The following STAG1 variants were observed in gnomAD, a reference collection of about 807,000 sequenced individuals.
STAG1 encodes cohesin subunit SA-1.
STAG1 carries 26 observed loss-of-function variants against 170.9 expected under a neutral mutation model. The ratio of observed to expected loss-of-function variants is 0.15; its 90% CI spans 0.11 to 0.21. The LOEUF (loss-of-function observed/expected upper bound fraction) is 0.21. Among genes scored for constraint, STAG1 ranks in the 10% least tolerant of loss-of-function variants. The pLI, the probability that STAG1 is intolerant of heterozygous loss-of-function variation, is 1.00. For synonymous variants in STAG1, 514 were observed against 497.7 expected, an observed-to-expected ratio of 1.03 and a Z score of -0.44; for missense variants, 964 against 1,509.5, an observed-to-expected ratio of 0.64 and a Z score of 5.99.
Position 136,498,233 on chromosome 3 carries a change from T to TATATATATATATATATATAC in STAG1, c.902+1989_902+1990insGTATATATATATATATATAT. On this transcript the variant is annotated intron_variant, in intron 9 of 33. Coordinates refer to ENST00000383202, the MANE Select transcript of STAG1 (RefSeq NM_005862.3). ...AATTATATATATATATATATATATA[T>TATATATATATATATATATAC]ACACATACATATACATACACACACA... Among the ~76,000 whole-genome samples, 466 of 57,308 alleles carry TATATATATATATATATATAC rather than the reference T, an allele frequency of 8.1e-3. 53 individuals are homozygous for TATATATATATATATATATAC. Among genetic ancestry groups the TATATATATATATATATATAC allele is most frequent in the East Asian group, 0.063 (29 of 460 alleles). 37.6% of individuals were successfully genotyped at this position (57,308 alleles called of 152,430 possible).
intron 1 of STAG1, among the ~76,000 whole-genome samples, chr3:136,664,410 G>A (rs1295085811): frequency 6.6e-6 from 1 of 152,100 alleles, no homozygotes; most frequent in African/African-American, 2.4e-5. Flanking sequence ...AAGTAAACAA[G>A]GGCAGCTCTT....
At chr3:136,380,138 G>A (rs1937870631) in intron 22 of STAG1, among the ~76,000 whole-genome samples, 1 of 152,172 alleles carries the variant, frequency 6.6e-6, no homozygotes, top group South Asian at 2.1e-4. Flanking sequence ...AGCACCCATA[G>A]ATGCTAAGTG....
chr3:136,733,454 T>C (rs994606486), intron 1 of STAG1, among the ~76,000 whole-genome samples: 2 of 152,182 alleles, frequency 1.3e-5, no homozygotes, highest in African/African-American at 2.4e-5. Flanking sequence ...ATTTGCACTG[T>C]TGTGCAGCCC....
At chr3:136,526,054 G>C (rs1185702761) in intron 6 of STAG1, among the ~76,000 whole-genome samples, 1 of 152,218 alleles carries the variant, frequency 6.6e-6, no homozygotes, top group Non-Finnish European at 1.5e-5. Flanking sequence ...ACGTGGTGCT[G>C]AGAAGAATGT....
intron 9 of STAG1, 180 bp downstream of exon 9, chr3:136,500,043 T>C (rs888302892): frequency 1.2e-5 from 6 of 518,384 alleles, no homozygotes; most frequent in Non-Finnish European, 2.1e-5. Flanking sequence ...ATAACAGTGG[T>C]AGTGGCAGCA....
chr3:136,454,327 AC>A (rs2089040593), intron 13 of STAG1, among the ~76,000 whole-genome samples: 1 of 146,284 alleles, frequency 6.8e-6, no homozygotes, highest in Non-Finnish European at 1.5e-5. Flanking sequence ...TAATCCGCCC[AC>A]CTCAGCCTCC....
At position 136,613,963 on chromosome 3, in the gene STAG1, C is replaced by A. The variant is rs578234362; in HGVS notation, c.132+9183G>T. Among the ~76,000 whole-genome samples, 22 of 152,146 alleles carry A rather than the reference C, an allele frequency of 1.4e-4. No individual in the cohort carries two copies. In the South Asian group the frequency reaches 4.6e-3, roughly 32 times the overall value. On this transcript the variant is annotated intron_variant, in intron 3 of 33. Transcript: ENST00000383202. ...GGCGTCGTGGCTCATGCCTGTAATC[C>A]CAGCACTTTGGGAGGCTGATGCGGA...
rs751629159 is a variant in STAG1, at chr3:136,563,283, T to C, written c.394+5482A>G. 5.0e-4 allele frequency among the ~76,000 whole-genome samples: 76 copies of C among 152,264 alleles called. 1 individual carries two copies. The highest frequency in any genetic ancestry group is 4.9e-4 in the Non-Finnish European group (33 of 68,022). On this transcript the variant is annotated intron_variant, in intron 5 of 33. Coordinates refer to ENST00000383202, the MANE Select transcript of STAG1 (RefSeq NM_005862.3). The stretch of plus-strand genomic sequence containing the variant: ...CCACTTACTGAGTTCCCAAGTTACG[T>C]TGGTTAGTAATTTTACACCTTTCAG...
At chr3:136,357,888 T>C in intron 27 of STAG1, 40 bp from the exon 28 acceptor site, 2 of 1,536,020 alleles carry the variant, frequency 1.3e-6, no homozygotes, top group Non-Finnish European at 8.8e-7. Context: ...TTCCAGATAG[T>C]GTAATTCTCT....
rs529942259 is a variant in STAG1, at chr3:136,336,560, G to A, written c.*1694C>T. ...CCTGGCCAAAACCACAGGCAGGCAG[G>A]GCTGGGGTGGACAGTCCAGTCATTC... is the stretch of plus-strand genomic sequence containing the variant. On this transcript the variant is annotated 3_prime_UTR_variant, in exon 34 of 34. Transcript: ENST00000383202. 6.6e-6 allele frequency: 1 copy of A among 152,248 alleles called. No homozygotes were observed. The highest frequency in any genetic ancestry group is 2.4e-5 in the African/African-American group (1 of 41,462). 9.4% of individuals were successfully genotyped at this position (152,248 alleles called of 1,614,324 possible). A position where few individuals can be genotyped will look rare whatever the true frequency, so the allele number is the denominator to read the frequency against.
chr3:136,449,857 T>A (rs994013775), intron 14 of STAG1, among the ~76,000 whole-genome samples: 2 of 152,050 alleles, frequency 1.3e-5, no homozygotes, highest in African/African-American at 4.8e-5. Context: ...CCTAAACTTT[T>A]TAGTAGTTAT....
chr3:136,436,241 C>A (rs559458199), intron 15 of STAG1, among the ~76,000 whole-genome samples: 1 of 152,172 alleles, frequency 6.6e-6, no homozygotes, highest in Non-Finnish European at 1.5e-5. Context: ...CAAGCATGAG[C>A]CACCACGCCT....
At chr3:136,491,175 T>C (rs905358237) in intron 9 of STAG1, among the ~76,000 whole-genome samples, 3 of 152,162 alleles carry the variant, frequency 2.0e-5, no homozygotes, top group African/African-American at 7.2e-5. Flanking sequence ...TGGAGTGCAG[T>C]GGCTTGATCA....
At chr3:136,589,241 G>A (rs1938020386) in intron 4 of STAG1, among the ~76,000 whole-genome samples, 3 of 152,268 alleles carry the variant, frequency 2.0e-5, no homozygotes, top group Middle Eastern at 6.8e-3. Flanking sequence ...GCACACGCCT[G>A]TAATCCTAGC....
intron 1 of STAG1, among the ~76,000 whole-genome samples, chr3:136,638,795 G>A (rs1244730680): frequency 1.3e-5 from 2 of 152,000 alleles, no homozygotes; most frequent in Admixed American, 6.6e-5. Flanking sequence ...CTAACTACTC[G>A]GGAAGCTGAG....
At chr3:136,392,562 C>T (rs928687436) in intron 22 of STAG1, among the ~76,000 whole-genome samples, 4 of 151,886 alleles carry the variant, frequency 2.6e-5, no homozygotes, top group Admixed American at 1.3e-4. Context: ...GTCAGCAGAT[C>T]GAGACCATCC....
chr3:136,631,941 C>T (rs1313278644), intron 1 of STAG1, among the ~76,000 whole-genome samples: 1 of 151,936 alleles, frequency 6.6e-6, no homozygotes, highest in African/African-American at 2.4e-5. Flanking sequence ...AGAGAATTCC[C>T]AAGCAGAATA....
rs146060439 is a variant in STAG1, at chr3:136,511,924, A to T, written c.677-9145T>A. ...GAGCAGAGAGCATTTAAAATCACAGAAAGGGTAGAAAAAGCATGATAACCA... is the reference window on the plus strand; with the variant it reads ...GAGCAGAGAGCATTTAAAATCACAGTAAGGGTAGAAAAAGCATGATAACCA... On this transcript the variant is annotated intron_variant, in intron 7 of 33. Coordinates refer to ENST00000383202, the MANE Select transcript of STAG1 (RefSeq NM_005862.3). Among the ~76,000 whole-genome samples the T allele has an allele frequency of 4.8e-3, 597 of 124,742 alleles. 2 individuals are homozygous for T. The highest frequency in any genetic ancestry group is 0.036 in the Middle Eastern group (9 of 248). 81.8% of individuals were successfully genotyped at this position (124,742 alleles called of 152,430 possible).
chr3:136,619,396 T>C (rs902147383), intron 3 of STAG1, among the ~76,000 whole-genome samples: 3 of 151,078 alleles, frequency 2.0e-5, no homozygotes, highest in African/African-American at 7.3e-5. Context: ...AAGTAAAATG[T>C]ATGTTACGTT....
Sources: gnomAD v4.1 joint callset for allele counts (sites outside exome capture counted in the v4.1 genomes callset) on GRCh38, gnomAD v4.1.1 for gene constraint, MANE v1.5 for transcripts, NCBI Gene and HGNC (gene_info 2026-07-23, HGNC 2026-07-21) for gene names.